CD47: variants seen among roughly 807,000 people sequenced by gnomAD.
CD47 encodes the protein leukocyte surface antigen CD47.
A neutral mutation model predicts 44.6 loss-of-function variants in CD47; 11 were observed. The ratio of observed to expected loss-of-function variants is 0.25; its 90% confidence interval spans 0.16 to 0.41. The LOEUF (loss-of-function observed/expected upper bound fraction) is 0.41. CD47 is among the 10% of genes least tolerant of loss of function. The pLI, the probability that CD47 is intolerant of heterozygous loss-of-function variation, is 1.00. For synonymous variants in CD47, 140 were observed against 136.3 expected (o/e 1.03, Z -0.19); for missense variants, 306 against 386.7 (o/e 0.79, Z 1.75).
chr3:108,079,579 A>C (rs1461788854), intron 2 of CD47, among the ~76,000 whole-genome samples: 1 of 115,700 alleles, frequency 8.6e-6, no homozygotes, highest in Non-Finnish European at 2.2e-5. Flanking sequence ...AAAAAAAAAA[A>C]AAAAAAAAAA....
At chr3:108,051,871 A>T in intron 8 of CD47, 68 bp downstream of exon 8, 1 of 1,186,458 alleles carries the variant, frequency 8.4e-7, no homozygotes, top group Non-Finnish European at 1.3e-6. Context: ...AAATATCTCA[A>T]TTACCAAGTT....
intron 1 of CD47, among the ~76,000 whole-genome samples, chr3:108,084,399 T>A (rs763486922): frequency 6.6e-6 from 1 of 152,058 alleles, no homozygotes; most frequent in Non-Finnish European, 1.5e-5. Flanking sequence ...GTCCACCCCA[T>A]CCTAGTTTGC....
In CD47 at chr3:108,072,428, A is replaced by G. The variant is rs754809024; in HGVS notation, c.401-1246T>C. On this transcript the variant is annotated intron_variant, in intron 2 of 10. Coordinates refer to ENST00000361309, the MANE Select transcript of CD47 (RefSeq NM_001777.4). ...AAATGCTTACATCAATCCCCAGAAT[A>G]TAACAACATCATAAACTCTGTTTTA... 5.6e-4 allele frequency among the ~76,000 whole-genome samples: 86 copies of G among 152,258 alleles called. 2 individuals are homozygous for G. The highest frequency in any genetic ancestry group is 1.0e-4 in the Non-Finnish European group (7 of 68,042).
intron 2 of CD47, among the ~76,000 whole-genome samples, chr3:108,074,486 G>T (rs1371368844): frequency 6.6e-6 from 1 of 151,858 alleles, no homozygotes; most frequent in Non-Finnish European, 1.5e-5. Context: ...GCTAAATTTT[G>T]TAATTTTGGT....
chr3:108,085,207 C>T (rs568226324), intron 1 of CD47, among the ~76,000 whole-genome samples: 1 of 152,178 alleles, frequency 6.6e-6, no homozygotes, highest in East Asian at 1.9e-4. Flanking sequence ...TACTGTTCCT[C>T]AAACCTAAAT....
At chr3:108,071,994 A>T (rs897598321) in intron 2 of CD47, among the ~76,000 whole-genome samples, 6 of 152,202 alleles carry the variant, frequency 3.9e-5, no homozygotes, top group Non-Finnish European at 8.8e-5. Context: ...AGTTGGTCAC[A>T]TGTTACTTTT....
chr3:108,065,189 A>G (rs1326279160), intron 3 of CD47, among the ~76,000 whole-genome samples: 1 of 152,252 alleles, frequency 6.6e-6, no homozygotes, highest in African/African-American at 2.4e-5. Flanking sequence ...TAGGACAGAG[A>G]TAAAAGAGTC....
At chr3:108,089,101 C>T (rs2079578352) in intron 1 of CD47, among the ~76,000 whole-genome samples, 2 of 152,160 alleles carry the variant, frequency 1.3e-5, no homozygotes, top group African/African-American at 4.8e-5. Flanking sequence ...TCATACATGT[C>T]CTTTTGAAGC....
At chr3:108,071,295 G>A in intron 2 of CD47, 113 bp from the exon 3 acceptor site, 1 of 538,526 alleles carries the variant, frequency 1.9e-6, no homozygotes, top group South Asian at 3.0e-5. Context: ...TTAAAACTGT[G>A]GCCTTATTTT....
intron 5 of CD47, 25 bp downstream of exon 5, chr3:108,059,427 T>A: frequency 8.6e-7 from 1 of 1,156,296 alleles, no homozygotes; most frequent in Non-Finnish European, 1.2e-6. Context: ...GTAGACAAAA[T>A]CATACTGTAA....
chr3:108,071,615 T>C (rs1196517304), intron 2 of CD47, among the ~76,000 whole-genome samples: 3 of 152,224 alleles, frequency 2.0e-5, no homozygotes, highest in Non-Finnish European at 4.4e-5. Context: ...TGAAGGACTG[T>C]TGTAACTATT....
chr3:108,061,603 G>T (rs1255844979), intron 3 of CD47, among the ~76,000 whole-genome samples: 1 of 152,154 alleles, frequency 6.6e-6, no homozygotes, highest in East Asian at 1.9e-4. Flanking sequence ...TAGCTCCACT[G>T]TCAAGTATCT....
chr3:108,088,462 T>C (rs2079563010), intron 1 of CD47, among the ~76,000 whole-genome samples: 1 of 152,230 alleles, frequency 6.6e-6, no homozygotes, highest in Non-Finnish European at 1.5e-5. Flanking sequence ...GGCGGCCCCA[T>C]AAATACGTAC....
At chr3:108,058,301 T>A in intron 6 of CD47, 36 bp downstream of exon 6, 1 of 1,238,506 alleles carries the variant, frequency 8.1e-7, no homozygotes, top group Middle Eastern at 1.9e-4. Flanking sequence ...TGTCCAAAAG[T>A]AACCCAAATT....
intron 8 of CD47, among the ~76,000 whole-genome samples, chr3:108,051,612 T>C (rs1401409304): frequency 6.6e-6 from 1 of 152,236 alleles, no homozygotes; most frequent in African/African-American, 2.4e-5. Flanking sequence ...GCACATCCAA[T>C]GAATCCAACA....
chr3:108,075,237 C>A (rs2108259759), intron 2 of CD47, among the ~76,000 whole-genome samples: 1 of 152,226 alleles, frequency 6.6e-6, no homozygotes, highest in Non-Finnish European at 1.5e-5. Context: ...GAACTTCTTG[C>A]TAGTGGAAAG....
chr3:108,076,654 G>A (rs953765893), intron 2 of CD47, among the ~76,000 whole-genome samples: 6 of 152,106 alleles, frequency 3.9e-5, no homozygotes, highest in African/African-American at 9.7e-5. Flanking sequence ...GAGGATAACA[G>A]GACACGACTT....
At chr3:108,069,572 T>C (rs2079161818) in intron 3 of CD47, among the ~76,000 whole-genome samples, 1 of 151,714 alleles carries the variant, frequency 6.6e-6, no homozygotes, top group African/African-American at 2.4e-5. Flanking sequence ...AAGTGATATG[T>C]ATGACTTTTT....
At position 108,080,282 on chromosome 3, in the gene CD47, C is replaced by A; in HGVS notation, c.109G>T (p.Val37Phe). ...TTAGTAACAAAGCATGGAATGACGA[C>A]AGTGTCATTACAAAACGTGAATTCT... The part of the protein sequence containing the change: ...SVEFTFCNDT[V>F]VIPCFVTNME... Residue 37 changes from valine to phenylalanine, a missense_variant, in exon 2 of 11, where the codon GTC (valine) becomes TTC (phenylalanine). Val to Phe is a conservative substitution (Grantham distance 50, BLOSUM62 -1). Around this residue, in one of 5 missense-constraint regions of CD47, gnomAD observed 38 missense variants for 42.7 expected, o/e 0.89. Coordinates refer to ENST00000361309, the MANE Select transcript of CD47 (RefSeq NM_001777.4). 1 of 1,611,754 alleles carries A rather than the reference C, an allele frequency of 6.2e-7. No individual in the cohort carries two copies. Among genetic ancestry groups the A allele is most frequent in the Non-Finnish European group, 8.5e-7 (1 of 1,178,256 alleles).
Sources: gnomAD v4.1 joint callset for allele counts (sites outside exome capture counted in the v4.1 genomes callset) on GRCh38, gnomAD v4.1.1 for gene constraint, gnomAD v4.1.1 regional missense constraint, MANE v1.5 for transcripts, NCBI Gene and HGNC (gene_info 2026-07-23, HGNC 2026-07-21) for gene names.